KHDRBS2: variants seen among roughly 807,000 people sequenced by gnomAD.
The protein encoded by KHDRBS2 is KH domain-containing, RNA-binding, signal transduction-associated protein 2.
Under a neutral mutation model 44.3 loss-of-function variants are expected in KHDRBS2, and 26 were observed. The ratio of observed to expected loss-of-function variants is 0.59; its 90% CI spans 0.43 to 0.81. KHDRBS2 has a LOEUF of 0.81. Ranked by LOEUF, KHDRBS2 falls within the 40% of genes least tolerant of loss-of-function variation. The probability of loss-of-function intolerance (pLI) is 0.00; values close to 1 mark genes in which losing one functional copy is unlikely to be tolerated. For synonymous variants in KHDRBS2, 194 were observed against 151.1 expected (o/e 1.28, Z -2.08); for missense variants, 476 against 433.1 (o/e 1.10, Z -0.88).
chr6:62,043,311 C>T (rs1246849298), intron 3 of KHDRBS2, among the ~76,000 whole-genome samples: 1 of 152,044 alleles, frequency 6.6e-6, no homozygotes, highest in African/African-American at 2.4e-5. Context: ...ACCAGTGAAA[C>T]CAGCAGCTTT....
the KHDRBS2 span, among the ~76,000 whole-genome samples, chr6:61,614,755 G>A: frequency 6.6e-6 from 1 of 152,052 alleles, no homozygotes; most frequent in Non-Finnish European, 1.5e-5. Flanking sequence ...GTGAACTGGG[G>A]ATTTTTCATC....
chr6:62,071,191 G>C (rs1562786563), intron 2 of KHDRBS2, among the ~76,000 whole-genome samples: 1 of 151,948 alleles, frequency 6.6e-6, no homozygotes, highest in East Asian at 1.9e-4. Flanking sequence ...GGGGTTGTTT[G>C]TTTTTTTCTT....
chr6:61,632,868 T>C, the KHDRBS2 span, among the ~76,000 whole-genome samples: 1 of 152,148 alleles, frequency 6.6e-6, no homozygotes, highest in African/African-American at 2.4e-5. Flanking sequence ...TACACAAATA[T>C]AAATGAAAAT....
chr6:62,245,826 G>A (rs1420393212), intron 1 of KHDRBS2, among the ~76,000 whole-genome samples: 10 of 151,464 alleles, frequency 6.6e-5, no homozygotes, highest in South Asian at 2.1e-4. Context: ...CTTCTCTCAC[G>A]TCTTTAGAAT....
rs555304645 is a variant in KHDRBS2, at chr6:61,804,007, C to T, written c.811-71243G>A. On this transcript the variant is annotated intron_variant, in intron 6 of 8. Transcript: ENST00000281156. ...TGCCCCTCCCAAATCTCATCTTCCT[C>T]ACATTTCCAAATACAATTATGCCTT... Among the ~76,000 whole-genome samples, 18 of 152,162 alleles carry T rather than the reference C, an allele frequency of 1.2e-4. No individual in the cohort carries two copies. In the South Asian group the frequency reaches 3.3e-3, roughly 28 times the overall value.
At chr6:61,997,946 A>G (rs2127255947) in intron 3 of KHDRBS2, among the ~76,000 whole-genome samples, 1 of 152,326 alleles carries the variant, frequency 6.6e-6, no homozygotes, top group East Asian at 1.9e-4. Context: ...TGCTTAGAAC[A>G]AAGAAATTGG....
intron 4 of KHDRBS2, among the ~76,000 whole-genome samples, chr6:61,970,085 C>A (rs1410858959): frequency 1.3e-5 from 2 of 151,910 alleles, no homozygotes; most frequent in African/African-American, 2.4e-5. Context: ...ACAATTGACT[C>A]ATTTATGTAG....
At chr6:61,583,580 T>C in the KHDRBS2 span, among the ~76,000 whole-genome samples, 1 of 151,800 alleles carries the variant, frequency 6.6e-6, no homozygotes, top group African/African-American at 2.4e-5. Flanking sequence ...GGCCTATTTG[T>C]TCATCCTTTG....
the KHDRBS2 span, among the ~76,000 whole-genome samples, chr6:61,576,568 C>T: frequency 0.62 from 93,582 of 151,760 alleles, 29,057 homozygotes; most frequent in Non-Finnish European, 0.65. Context: ...TTTTGCCTGA[C>T]GTAATTAAAA....
chr6:61,596,707 A>T, the KHDRBS2 span, among the ~76,000 whole-genome samples: 5 of 152,030 alleles, frequency 3.3e-5, no homozygotes, highest in African/African-American at 7.2e-5. Flanking sequence ...GCTGGAGTAC[A>T]GTGGTGCAAT....
At chr6:61,724,671 C>A (rs1308082136) in intron 7 of KHDRBS2, among the ~76,000 whole-genome samples, 1 of 151,928 alleles carries the variant, frequency 6.6e-6, no homozygotes, top group Non-Finnish European at 1.5e-5. Flanking sequence ...TAGTTTGTGA[C>A]AAAATAGACT....
At chr6:61,926,885 T>A (rs866373123) in intron 4 of KHDRBS2, among the ~76,000 whole-genome samples, 1 of 151,618 alleles carries the variant, frequency 6.6e-6, no homozygotes, top group Non-Finnish European at 1.5e-5. Flanking sequence ...ATTTCTTAGT[T>A]AGGTTTTTTT....
chr6:61,768,558 T>C (rs569065270), intron 6 of KHDRBS2, among the ~76,000 whole-genome samples: 1 of 152,270 alleles, frequency 6.6e-6, no homozygotes, highest in South Asian at 2.1e-4. Context: ...TTCCTTTTTC[T>C]CCTGTCTCCC....
At chr6:61,577,995 C>A in the KHDRBS2 span, among the ~76,000 whole-genome samples, 3,720 of 152,076 alleles carry the variant, frequency 0.024, 71 homozygotes, top group Middle Eastern at 0.085. Flanking sequence ...TTAAAAGTCT[C>A]TCTTCATTAA....
At chr6:61,562,289 T>C in the KHDRBS2 span, among the ~76,000 whole-genome samples, 1 of 152,304 alleles carries the variant, frequency 6.6e-6, no homozygotes, top group Non-Finnish European at 1.5e-5. Context: ...CTCAATGTTA[T>C]CTAATTTGGA....
the KHDRBS2 span, among the ~76,000 whole-genome samples, chr6:61,549,632 C>T: frequency 2.6e-5 from 4 of 151,982 alleles, no homozygotes. Flanking sequence ...GAAAATCAGG[C>T]CATACAGAAA....
intron 4 of KHDRBS2, among the ~76,000 whole-genome samples, chr6:61,950,829 C>T (rs902969790): frequency 1.6e-4 from 24 of 151,976 alleles, no homozygotes; most frequent in South Asian, 8.3e-4. Flanking sequence ...TATTAATAAA[C>T]GTAAATATGA....
At chr6:61,640,990 C>A in the KHDRBS2 span, among the ~76,000 whole-genome samples, 4 of 152,104 alleles carry the variant, frequency 2.6e-5, no homozygotes, top group Non-Finnish European at 5.9e-5. Context: ...ACTTGGTTAT[C>A]TGTTAGTATG....
intron 6 of KHDRBS2, among the ~76,000 whole-genome samples, chr6:61,798,823 T>C (rs748364327): frequency 5.1e-4 from 77 of 151,936 alleles, no homozygotes; most frequent in Non-Finnish European, 8.4e-4. Context: ...ATACATACCT[T>C]TATTATATAT....
Sources: allele counts gnomAD v4.1 joint callset (sites outside exome capture counted in the v4.1 genomes callset), GRCh38; gene constraint gnomAD v4.1.1; transcripts MANE v1.5; gene names NCBI Gene and HGNC (gene_info 2026-07-23, HGNC 2026-07-21).